Variants in ANKRD26 observed in about 807,000 individuals in gnomAD.
The protein encoded by ANKRD26 is ankyrin repeat domain-containing protein 26.
A neutral mutation model predicts 208.7 loss-of-function variants in ANKRD26; 141 were observed. The observed-to-expected ratio is 0.68, with a 90% CI of 0.59 to 0.78. ANKRD26 has a LOEUF of 0.78. ANKRD26 is among the 30% of genes least tolerant of loss of function. ANKRD26 has a pLI of 0.00. For synonymous variants in ANKRD26, 636 were observed against 660.4 expected (o/e 0.96, Z 0.57); for missense variants, 1,889 against 1,938.7 (o/e 0.97, Z 0.48).
At chr10:27,079,777 C>T (rs1309000540) in intron 6 of ANKRD26, among the ~76,000 whole-genome samples, 7 of 152,050 alleles carry the variant, frequency 4.6e-5, no homozygotes, top group Non-Finnish European at 8.8e-5. Flanking sequence ...TGCTTGAACC[C>T]GGGAGGCAGA....
chr10:27,053,687 C>T (rs532062771), intron 15 of ANKRD26, among the ~76,000 whole-genome samples: 25 of 152,216 alleles, frequency 1.6e-4, no homozygotes, highest in Non-Finnish European at 1.8e-4. Context: ...TCTAAAACTT[C>T]AACAAACCAC....
chr10:27,005,489 G>A lies in ANKRD26; in HGVS notation c.*101C>T, dbSNP rs759479576. ...ATATAAATTTTGATCTGACATATAT[G>A]ATACAAAAATACGTTCCTTTAATAT... On this transcript the variant is annotated 3_prime_UTR_variant, in exon 34 of 34. Coordinates refer to ENST00000376087, the MANE Select transcript of ANKRD26 (RefSeq NM_014915.3). The A allele has an allele frequency of 2.1e-4, 316 of 1,536,688 alleles. No homozygotes were observed. Among genetic ancestry groups the A allele is most frequent in the Non-Finnish European group, 2.7e-4 (304 of 1,143,658 alleles).
In ANKRD26 at chr10:27,030,653, A is replaced by G; in HGVS notation, c.3808-1297T>C. ...ATTTCTTTTCAGGGTGAAAAACATG[A>G]GCATTTGATTGAATAACTTTCCTTT... On this transcript the variant is annotated intron_variant, in intron 25 of 33. Coordinates refer to ENST00000376087, the MANE Select transcript of ANKRD26 (RefSeq NM_014915.3). 7.4e-6 allele frequency: 7 copies of G among 943,632 alleles called. No homozygotes were observed. In the South Asian group the frequency reaches 3.4e-4, roughly 46 times the overall value. The allele number at this position is 943,632 out of a possible 1,614,324, so 58.5% of individuals were successfully genotyped here.
Position 27,093,367 on chromosome 10 carries a change from A to G in ANKRD26, c.513T>C (p.Asn171=), listed in dbSNP as rs745670666. 9.3e-6 allele frequency: 15 copies of G among 1,613,942 alleles called. No homozygotes were observed. The Admixed American group carries it at 2.5e-4, about 27-fold the overall frequency. The change falls in exon 3 of 34, where the codon AAT becomes AAC. Residue 171 remains asparagine, a synonymous_variant. Transcript: ENST00000376087. ...VATKLLLYDA[N]IEAKNKDDLT... is the part of the protein sequence containing the mutation. ...TCTATACCTTGTTTTTTGCTTCAAT[A>G]TTTGCATCATACAAAAGCAGCTTTG...
rs199716344 is a variant in ANKRD26 at position 27,033,297 on chromosome 10, C to A, written c.3735G>T (p.Thr1245=). 2.5e-6 allele frequency: 4 copies of A among 1,612,608 alleles called. No homozygotes were observed. Among genetic ancestry groups the A allele is most frequent in the Non-Finnish European group, 3.4e-6 (4 of 1,179,112 alleles). ...QSMSEASLEV[T]SRYRINLEDE... Reference sequence around the variant, plus strand: ...CTTCTAAATTAATACGATAACGTGACGTAACCTCCAGTGAAGCCTCTGACA... The same window carrying A: ...CTTCTAAATTAATACGATAACGTGAAGTAACCTCCAGTGAAGCCTCTGACA... The change falls in exon 25 of 34, where the codon ACG becomes ACT. Residue 1245 remains threonine, a synonymous_variant. Coordinates refer to ENST00000376087, the MANE Select transcript of ANKRD26 (RefSeq NM_014915.3).
At chr10:26,989,723 G>A (rs965348351), downstream of ANKRD26, among the ~76,000 whole-genome samples, 2 of 152,126 alleles carry the variant, frequency 1.3e-5, no homozygotes, top group Non-Finnish European at 2.9e-5. Context: ...CTGCCACGGG[G>A]GCTGTCATGG....
In ANKRD26 at chr10:27,034,911, G is replaced by A. The variant is rs746886114; in HGVS notation, c.3539C>T (p.Ala1180Val). Residue 1180 changes from alanine to valine, a missense_variant, in exon 24 of 34, where the codon GCT becomes GTT. Ala to Val is a moderately conservative substitution (Grantham distance 64). Transcript: ENST00000376087. ...QFHAIVQKLQ[A>V]ESEKQSLLLE... ...CAGAAGACTTTGCTTTTCACTCTCA[G>A]CTTGAAGTTTTTGCACAATAGCATG... 3 of 1,613,694 alleles carry A rather than the reference G, an allele frequency of 1.9e-6. No individual in the cohort carries two copies. Among genetic ancestry groups the A allele is most frequent in the Non-Finnish European group, 2.5e-6 (3 of 1,179,854 alleles).
chr10:26,955,511 AT>A, the ANKRD26 span, among the ~76,000 whole-genome samples: 1 of 152,120 alleles, frequency 6.6e-6, no homozygotes, highest in Non-Finnish European at 1.5e-5. Context: ...ATATATGTGT[AT>A]AAATATGTTC....
At chr10:27,022,493 A>G in intron 29 of ANKRD26, 65 bp downstream of exon 29, 1 of 1,275,792 alleles carries the variant, frequency 7.8e-7, no homozygotes, top group Non-Finnish European at 1.1e-6. Flanking sequence ...TGTTCAAAGC[A>G]TTGAGAAGTC....
At chr10:27,077,759 T>C (rs1181976948) in intron 7 of ANKRD26, 66 bp from the exon 8 acceptor site, 1 of 1,339,662 alleles carries the variant, frequency 7.5e-7, no homozygotes, top group Non-Finnish European at 1.0e-6. Flanking sequence ...AAAATAATCG[T>C]AATAGATAGT....
chr10:27,062,395 T>A lies in ANKRD26; in HGVS notation c.1364-1153A>T, dbSNP rs78955280. 4.4e-3 allele frequency: 1,059 copies of A among 243,062 alleles called. 12 individuals carry two copies. Among genetic ancestry groups the A allele is most frequent in the African/African-American group, 0.023 (1,002 of 43,172 alleles). 15.1% of individuals were successfully genotyped at this position (243,062 alleles called of 1,614,324 possible). A position where few individuals can be genotyped will look rare whatever the true frequency, so the allele number is the denominator to read the frequency against. ...AAGTCTATACCCTTGTTACTCAGAG[T>A]GTGGTCCAAGGACCAGAAGCATCAG... On this transcript the variant is annotated intron_variant, in intron 12 of 33. Transcript: ENST00000376087.
Position 27,053,335 on chromosome 10 carries a change from T to C in ANKRD26, c.1620A>G (p.Glu540=). 1 of 1,609,590 alleles carries C rather than the reference T, an allele frequency of 6.2e-7. No homozygotes were observed. Among genetic ancestry groups the C allele is most frequent in the Admixed American group, 1.7e-5 (1 of 59,990 alleles). The part of the protein sequence containing the change: ...SEEEQEREGS[E]NNQPQVEEER... ...TATATAATACCTGTGGCTGGTTATT[T>C]TCACTCCCTTCCCTTTCTTGCTCTT... Residue 540 remains glutamate, a synonymous_variant, in exon 16 of 34, where the codon GAA becomes GAG. Transcript: ENST00000376087.
chr10:27,085,345 C>T (rs1230397864), intron 5 of ANKRD26, among the ~76,000 whole-genome samples: 2 of 152,056 alleles, frequency 1.3e-5, no homozygotes, highest in Admixed American at 6.6e-5. Context: ...ATAATCCACC[C>T]GCCTCGGCCT....
chr10:26,963,406 G>A, the ANKRD26 span, among the ~76,000 whole-genome samples: 1 of 152,230 alleles, frequency 6.6e-6, no homozygotes, highest in Admixed American at 6.5e-5. Flanking sequence ...GACTGTAAAT[G>A]TGAATCTGCT....
At chr10:27,077,981 T>G (rs1268171886) in intron 7 of ANKRD26, among the ~76,000 whole-genome samples, 1 of 152,184 alleles carries the variant, frequency 6.6e-6, no homozygotes, top group Non-Finnish European at 1.5e-5. Flanking sequence ...TTAACCACAG[T>G]AGCCTAAAAT....
At position 27,034,800 on chromosome 10, in the gene ANKRD26, C is replaced by G; in HGVS notation, c.3650G>C (p.Arg1217Thr). The change falls in exon 24 of 34, where the codon AGA becomes ACA. Residue 1217 changes from arginine (R) to threonine (T), a missense_variant. Transcript: ENST00000376087. ...QYQYENEKAE[R>T]EVVVRQLQQE... is the part of the protein sequence containing the mutation. Reference sequence around the variant, plus strand: ...TTTATCTTTCTTGATACTTACTTCTCTTTCTGCCTTTTCATTTTCATATTG... The same window carrying G: ...TTTATCTTTCTTGATACTTACTTCTGTTTCTGCCTTTTCATTTTCATATTG... 1 of 1,598,220 alleles carries G rather than the reference C, an allele frequency of 6.3e-7. No homozygotes were observed. Among genetic ancestry groups the G allele is most frequent in the Non-Finnish European group, 8.5e-7 (1 of 1,170,666 alleles).
intron 9 of ANKRD26, among the ~76,000 whole-genome samples, chr10:27,071,191 A>T: frequency 8.0e-6 from 1 of 124,398 alleles, no homozygotes; most frequent in South Asian, 2.5e-4. Flanking sequence ...TTTGAGACAG[A>T]GTCTCGCTTT....
chr10:27,061,559 A>AT (rs11399797), intron 12 of ANKRD26, among the ~76,000 whole-genome samples: 93,520 of 134,098 alleles, frequency 0.7, 33,149 homozygotes, highest in Non-Finnish European at 0.75. Context: ...TGCAACATCT[A>AT]TTTTTTTTTT....
chr10:27,077,021 C>A (rs958941985), intron 9 of ANKRD26: 2 of 329,522 alleles, frequency 6.1e-6, no homozygotes, highest in African/African-American at 2.1e-5. Context: ...ACCCTAATAC[C>A]AAAGCCAGAA....
Sources: allele counts gnomAD v4.1 joint callset (sites outside exome capture counted in the v4.1 genomes callset), GRCh38; gene constraint gnomAD v4.1.1; transcripts MANE v1.5; gene names NCBI Gene and HGNC (gene_info 2026-07-23, HGNC 2026-07-21).